CHSY3: variants seen among roughly 807,000 people sequenced by gnomAD.
CHSY3 encodes N-acetylgalactosaminyl-proteoglycan 3-beta-glucuronosyltransferase 3.
In CHSY3, 35 loss-of-function variants were observed where a neutral mutation model predicts 67.2. The observed-to-expected ratio is 0.52, with a 90% CI of 0.40 to 0.69. The LOEUF (loss-of-function observed/expected upper bound fraction) is 0.69, where lower values mean the gene tolerates loss of function less well. Among genes scored for constraint, CHSY3 ranks in the 30% least tolerant of loss-of-function variants. CHSY3 has a pLI of 0.00. For synonymous variants in CHSY3, 474 were observed against 434.7 expected (o/e 1.09, Z -1.12); for missense variants, 1,069 against 1,138.5 (o/e 0.94, Z 0.88).
intron 2 of CHSY3, among the ~76,000 whole-genome samples, chr5:130,057,980 C>A (rs924059579): frequency 7.2e-5 from 11 of 151,926 alleles, no homozygotes; most frequent in African/African-American, 2.7e-4. Flanking sequence ...ATCTTTGTTT[C>A]CTATTTCCCC....
intron 2 of CHSY3, among the ~76,000 whole-genome samples, chr5:129,992,677 G>A (rs1250082195): frequency 2.6e-5 from 4 of 152,164 alleles, no homozygotes; most frequent in Non-Finnish European, 5.9e-5. Flanking sequence ...CAGTAGTCCT[G>A]TCCCATCAAT....
chr5:129,907,999 A>C (rs998319988), intron 1 of CHSY3, 78 bp from the exon 2 acceptor site: 3 of 1,520,420 alleles, frequency 2.0e-6, no homozygotes, highest in Non-Finnish European at 1.8e-6. Context: ...CAATGTTGAA[A>C]GTTCTGTCCC....
chr5:129,980,219 A>G (rs1403369063), intron 2 of CHSY3, among the ~76,000 whole-genome samples: 1 of 152,232 alleles, frequency 6.6e-6, no homozygotes, highest in African/African-American at 2.4e-5. Flanking sequence ...CCAGCAATAA[A>G]TGGGAGTTTC....
intron 2 of CHSY3, among the ~76,000 whole-genome samples, chr5:129,926,269 G>A (rs564537199): frequency 3.0e-4 from 46 of 152,004 alleles, no homozygotes; most frequent in African/African-American, 1.0e-3. Context: ...TATTTGTCAA[G>A]CCCACAGGTT....
chr5:130,137,178 G>A (rs907633260), intron 2 of CHSY3, among the ~76,000 whole-genome samples: 12 of 152,160 alleles, frequency 7.9e-5, no homozygotes, highest in Admixed American at 7.2e-4. Context: ...TTTCCTAGAT[G>A]TTTTGTAGGT....
chr5:129,987,694 A>G (rs979439096), intron 2 of CHSY3, among the ~76,000 whole-genome samples: 4 of 152,238 alleles, frequency 2.6e-5, no homozygotes, highest in Non-Finnish European at 5.9e-5. Context: ...TAACTTGCTC[A>G]TATGTGTAAC....
intron 2 of CHSY3, among the ~76,000 whole-genome samples, chr5:129,942,045 G>T (rs2149595380): frequency 6.6e-6 from 1 of 152,254 alleles, no homozygotes; most frequent in Non-Finnish European, 1.5e-5. Context: ...GGTTTTTATG[G>T]GAGCTTCACA....
intron 2 of CHSY3, among the ~76,000 whole-genome samples, chr5:130,006,160 C>T (rs1219521328): frequency 1.3e-5 from 2 of 152,126 alleles, no homozygotes; most frequent in African/African-American, 2.4e-5. Context: ...TTGGATTATA[C>T]TTGCATAGAA....
intron 2 of CHSY3, among the ~76,000 whole-genome samples, chr5:130,143,786 A>ATATATATATATATATGTGTG (rs1561557227): frequency 7.1e-5 from 2 of 28,138 alleles, no homozygotes; most frequent in African/African-American, 4.0e-4. Flanking sequence ...ATATATGTGT[A>ATATATATATATATATGTGTG]TATATATATA....
chr5:130,095,389 C>A (rs1360147993), intron 2 of CHSY3, among the ~76,000 whole-genome samples: 1 of 152,092 alleles, frequency 6.6e-6, no homozygotes, highest in East Asian at 1.9e-4. Flanking sequence ...TGGAAAGTGC[C>A]AGGTGCTAAA....
chr5:129,914,826 A>G (rs573375401), intron 2 of CHSY3, among the ~76,000 whole-genome samples: 3 of 152,356 alleles, frequency 2.0e-5, no homozygotes, highest in Non-Finnish European at 2.9e-5. Flanking sequence ...GCTTTCTAAG[A>G]AGATGATTTA....
chr5:130,170,198 A>C (rs117304195), intron 2 of CHSY3, among the ~76,000 whole-genome samples: 1 of 151,744 alleles, frequency 6.6e-6, no homozygotes, highest in Non-Finnish European at 1.5e-5. Context: ...ATGTGTTCCC[A>C]TTGTTTAGTT....
At chr5:129,931,027 A>G (rs969781701) in intron 2 of CHSY3, among the ~76,000 whole-genome samples, 8 of 152,146 alleles carry the variant, frequency 5.3e-5, no homozygotes, top group Non-Finnish European at 2.9e-5. Context: ...GTCTGCCTAT[A>G]GTAACAGTTG....
chr5:130,101,817 G>C (rs1767255147), intron 2 of CHSY3, among the ~76,000 whole-genome samples: 1 of 152,078 alleles, frequency 6.6e-6, no homozygotes, highest in South Asian at 2.1e-4. Context: ...GATTCATAAA[G>C]TATTTGAAAT....
intron 2 of CHSY3, among the ~76,000 whole-genome samples, chr5:129,916,609 C>T (rs574752862): frequency 2.1e-4 from 32 of 152,078 alleles, no homozygotes; most frequent in Admixed American, 1.4e-3. Context: ...ATTTAATATA[C>T]GTGAGTATCT....
At chr5:129,915,258 T>C (rs1265097212) in intron 2 of CHSY3, among the ~76,000 whole-genome samples, 2 of 152,174 alleles carry the variant, frequency 1.3e-5, no homozygotes, top group Admixed American at 6.6e-5. Context: ...TCTGATATTA[T>C]TGAACCACAA....
chr5:129,977,803 A>G (rs948850935), intron 2 of CHSY3, among the ~76,000 whole-genome samples: 1 of 152,036 alleles, frequency 6.6e-6, no homozygotes, highest in African/African-American at 2.4e-5. Context: ...GCAAACATGT[A>G]TGGAAATATT....
intron 2 of CHSY3, chr5:130,141,271 AT>A (rs1768857074): frequency 1.1e-5 from 5 of 452,190 alleles, no homozygotes; most frequent in Non-Finnish European, 2.1e-5. Flanking sequence ...ATTAAGCATA[AT>A]CCCACCATTC....
intron 2 of CHSY3, among the ~76,000 whole-genome samples, chr5:129,999,046 T>C (rs1188215983): frequency 1.3e-5 from 2 of 151,894 alleles, no homozygotes; most frequent in African/African-American, 2.4e-5. Context: ...ATTACAAGTT[T>C]TTAAAAATGT....
Sources: gnomAD v4.1 joint callset for allele counts (sites outside exome capture counted in the v4.1 genomes callset) on GRCh38, gnomAD v4.1.1 for gene constraint, MANE v1.5 for transcripts, NCBI Gene and HGNC (gene_info 2026-07-23, HGNC 2026-07-21) for gene names.